DLL1: variants seen among roughly 807,000 people sequenced by gnomAD.
DLL1 encodes the protein delta like canonical Notch ligand 1.
DLL1 carries 9 observed loss-of-function variants against 75.1 expected under a neutral mutation model. That is an observed-to-expected ratio of 0.12 (90% CI 0.07 to 0.21). The LOEUF (loss-of-function observed/expected upper bound fraction) is 0.21, where lower values mean the gene tolerates loss of function less well. Among genes scored for constraint, DLL1 ranks in the 10% least tolerant of loss-of-function variants. DLL1 has a pLI of 1.00. For missense variants in DLL1, 837 were observed against 1,007.6 expected (o/e 0.83, Z 2.29); for synonymous variants, 477 against 418.3 (o/e 1.14, Z -1.71).
rs1339426073 is a variant in DLL1 at position 170,283,784 on chromosome 6, T to C, written c.1495A>G (p.Arg499Gly). 6.3e-7 allele frequency: 1 copy of C among 1,595,356 alleles called. No individual in the cohort carries two copies. The highest frequency in any genetic ancestry group is 1.1e-5 in the South Asian group (1 of 88,928). Reference protein sequence around the residue: ...PCHNGATCHERGHRYVCECAR... With the variant: ...PCHNGATCHEGGHRYVCECAR... ...CACTCGCACACATAGCGGTGGCCCC[T>C]CTCGTGGCAGGTGGCCCCATTGTGG... The change falls in exon 9 of 11, where the codon AGG becomes GGG. Residue 499 changes from arginine (R) to glycine (G), a missense_variant. Around this residue, in one of 2 missense-constraint regions of DLL1, gnomAD observed 533 missense variants for 545.7 expected, o/e 0.98. Transcript: ENST00000366756.
rs779177231 is a variant in DLL1, at chr6:170,288,181, C to G, written c.670+58G>C. 4.3e-6 allele frequency: 7 copies of G among 1,612,360 alleles called. 1 individual carries two copies. The highest frequency in any genetic ancestry group is 2.2e-5 in the South Asian group (2 of 90,940). On this transcript the variant is annotated intron_variant, in intron 4 of 10. Transcript: ENST00000366756. ...CCCCGTGGCTCAGGAAGCCCCGTCC[C>G]TGCGCGCGGTCCGTGTTCGTGGACG...
rs1381920404 is a variant in DLL1, at chr6:170,288,406, C to A, written c.503G>T (p.Arg168Leu). Reference sequence around the variant, plus strand: ...GCGGTAGGAGTACTTGAGGTCCGTGCGGCCGCTGCTGTGCAGGTCCTGGGA... The same window carrying A: ...GCGGTAGGAGTACTTGAGGTCCGTGAGGCCGCTGCTGTGCAGGTCCTGGGA... ...EWSQDLHSSG[R>L]TDLKYSYRFV... Residue 168 changes from arginine to leucine, a missense_variant, in exon 4 of 11, where the codon CGC (arginine) becomes CTC (leucine). By Grantham distance (102) the Arg-to-Leu change is moderately radical. Around this residue, in one of 2 missense-constraint regions of DLL1, gnomAD observed 304 missense variants for 461.9 expected, o/e 0.66. Coordinates refer to ENST00000366756, the MANE Select transcript of DLL1 (RefSeq NM_005618.4). The A allele has an allele frequency of 6.2e-7, 1 of 1,614,056 alleles. No homozygotes were observed. The highest frequency in any genetic ancestry group is 8.5e-7 in the Non-Finnish European group (1 of 1,180,046).
chr6:170,285,459 G>T, intron 6 of DLL1, 36 bp from the exon 7 acceptor site: 1 of 1,614,172 alleles, frequency 6.2e-7, no homozygotes, highest in Non-Finnish European at 8.5e-7. Flanking sequence ...TAGGAGATAG[G>T]AAGCTCGACA....
intron 3 of DLL1, 100 bp downstream of exon 3, chr6:170,288,629 G>A (rs1222648657): frequency 1.2e-6 from 2 of 1,607,146 alleles, no homozygotes; most frequent in Non-Finnish European, 1.7e-6. Flanking sequence ...TGGGGCACGT[G>A]CAGAATGAAA....
At chr6:170,288,935 G>C (rs1426115453) in intron 2 of DLL1, 146 bp from the exon 3 acceptor site, 1 of 845,122 alleles carries the variant, frequency 1.2e-6, no homozygotes, top group Non-Finnish European at 2.0e-6. Context: ...GGGTCTCCAC[G>C]CACCTCCTGC....
chr6:170,289,592 A>G lies in DLL1; in HGVS notation c.271T>C (p.Ser91Pro). ...CCCCCGCCGTCGGGCAGACTGAAGG[A>G]GTCGACGCCCAGCACGGGGGTGACG... ...SAVTPVLGVD[S>P]FSLPDGGGAD... The change falls in exon 2 of 11, where the codon TCC (serine) becomes CCC (proline). Residue 91 changes from serine (S) to proline (P), a missense_variant. Around this residue, in one of 2 missense-constraint regions of DLL1, gnomAD observed 304 missense variants for 461.9 expected, o/e 0.66. Transcript: ENST00000366756. The G allele has an allele frequency of 6.5e-7, 1 of 1,535,508 alleles. No homozygotes were observed.
At position 170,283,652 on chromosome 6, in the gene DLL1, A is replaced by G. The variant is rs191694591; in HGVS notation, c.1627T>C (p.Phe543Leu). Residue 543 changes from phenylalanine to leucine, a missense_variant, in exon 9 of 11, where the codon TTC (phenylalanine) becomes CTC (leucine). Phe to Leu is a conservative substitution (Grantham distance 22). Around this residue, in one of 2 missense-constraint regions of DLL1, gnomAD observed 533 missense variants for 545.7 expected, o/e 0.98. Transcript: ENST00000366756. ...TEKLEGQGGP[F>L]PWVAVCAGVI... is the part of the protein sequence containing the mutation. ...CCGGCGCACACGGCCACCCAGGGGA[A>G]TGGCCCGCCCTGGCCCTCTAGCTTC... is the stretch of plus-strand genomic sequence containing the variant. 8 of 1,597,640 alleles carry G rather than the reference A, an allele frequency of 5.0e-6. No homozygotes were observed. In the Admixed American group the frequency reaches 1.2e-4, roughly 24 times the overall value.
chr6:170,288,568 C>A, intron 3 of DLL1, 72 bp from the exon 4 acceptor site: 1 of 1,613,604 alleles, frequency 6.2e-7, no homozygotes, highest in Non-Finnish European at 8.5e-7. Context: ...GGGGGTGGGC[C>A]GAGACATTCA....
chr6:170,288,030 A>C, intron 4 of DLL1: 1 of 704,210 alleles, frequency 1.4e-6, no homozygotes, highest in Non-Finnish European at 2.4e-6. Flanking sequence ...GGATAAACAC[A>C]GCCTGGGATG....
In DLL1 at chr6:170,283,926, C is replaced by T. The variant is rs374095083; in HGVS notation, c.1353G>A (p.Pro451=). The T allele has an allele frequency of 1.7e-5, 27 of 1,599,256 alleles. No homozygotes were observed. The Middle Eastern group carries it at 5.1e-4, about 30-fold the overall frequency. ...CCCGGCAGGTGCCCCCGTTGGCGCACGGGGAGGAGGCGCAGTCGTCCACGT... is the reference window on the plus strand; with the variant it reads ...CCCGGCAGGTGCCCCCGTTGGCGCATGGGGAGGAGGCGCAGTCGTCCACGT... The part of the protein sequence containing the change: ...DDNVDDCASS[P]CANGGTCRDG... Residue 451 remains proline (P), a synonymous_variant, in exon 9 of 11, where the codon CCG becomes CCA. Transcript: ENST00000366756.
chr6:170,284,086 G>A lies in DLL1; in HGVS notation c.1250-57C>T, dbSNP rs1783641827. 7.2e-6 allele frequency: 11 copies of A among 1,532,970 alleles called. No homozygotes were observed. In the South Asian group the frequency reaches 1.2e-4, roughly 17 times the overall value. 95.0% of individuals were successfully genotyped at this position (1,532,970 alleles called of 1,614,324 possible). Reference sequence around the variant, plus strand: ...TCCTCGTAGGTTTGTTCACCAAAAAGTCACTCTGAAGCATCTATCTGTCTG... The same window carrying A: ...TCCTCGTAGGTTTGTTCACCAAAAAATCACTCTGAAGCATCTATCTGTCTG... On this transcript the variant is annotated intron_variant, in intron 8 of 10. Coordinates refer to ENST00000366756, the MANE Select transcript of DLL1 (RefSeq NM_005618.4).
Position 170,289,645 on chromosome 6 carries a change from G to A in DLL1, c.218C>T (p.Pro73Leu), listed in dbSNP as rs2114966477. Residue 73 changes from proline to leucine, a missense_variant, in exon 2 of 11, where the codon CCC (proline) becomes CTC (leucine). Pro to Leu is a moderately conservative substitution (Grantham distance 98, BLOSUM62 -3). Around this residue, in one of 2 missense-constraint regions of DLL1, gnomAD observed 304 missense variants for 461.9 expected, o/e 0.66. Coordinates refer to ENST00000366756, the MANE Select transcript of DLL1 (RefSeq NM_005618.4). The stretch of plus-strand genomic sequence containing the variant: ...GCTGCCGTAGGTGCAGGGCGGCTCG[G>A]GGGACACGCTGGCCTGGTAGTGCTT... ...CLKHYQASVS[P>L]EPPCTYGSAV... The A allele has an allele frequency of 1.9e-6, 3 of 1,539,694 alleles. No individual in the cohort carries two copies. The Middle Eastern group carries it at 5.0e-4, about 257-fold the overall frequency.
At position 170,289,692 on chromosome 6, in the gene DLL1, C is replaced by A; in HGVS notation, c.171G>T (p.Arg57=). ...GGAGPPPCAC[R]TFFRVCLKHY... is the part of the protein sequence containing the mutation. ...GCTTGAGGCACACGCGGAAGAAGGT[C>A]CGGCAGGCGCACGGCGGTGGCCCCG... Residue 57 remains arginine (R), a synonymous_variant, in exon 2 of 11, where the codon CGG becomes CGT. Coordinates refer to ENST00000366756, the MANE Select transcript of DLL1 (RefSeq NM_005618.4). 6.5e-7 allele frequency: 1 copy of A among 1,547,156 alleles called. No homozygotes were observed. The highest frequency in any genetic ancestry group is 8.7e-7 in the Non-Finnish European group (1 of 1,146,498).
rs1280275096 is a variant in DLL1 at position 170,290,063 on chromosome 6, G to A, written c.54+23C>T. The A allele has an allele frequency of 6.4e-7, 1 of 1,569,454 alleles. No homozygotes were observed. The highest frequency in any genetic ancestry group is 8.6e-7 in the Non-Finnish European group (1 of 1,167,182). ...TACCCGTGAGACCCCGCGGGGCCGC[G>A]GCGCCCCCACCTGCCCGCCTACCTG... On this transcript the variant is annotated intron_variant, in intron 1 of 10. Transcript: ENST00000366756. The surrounding 1 kb of genome is among the most constrained non-coding windows in gnomAD (Gnocchi z 4.7).
intron 1 of DLL1, 96 bp from the exon 2 acceptor site, chr6:170,289,904 C>T: frequency 7.2e-7 from 1 of 1,381,124 alleles, no homozygotes; most frequent in Non-Finnish European, 9.5e-7. Flanking sequence ...CCTGGAAGGG[C>T]TCAGGGGCCG....
chr6:170,290,426 C>A lies in DLL1; in HGVS notation c.-287G>T, dbSNP rs1032145627. Reference sequence around the variant, plus strand: ...CGGCGGCGGCGACTTTCGTTTTCCTCCTTCCTCCCAGCCCCCGAGGAGGTG... The same window carrying A: ...CGGCGGCGGCGACTTTCGTTTTCCTACTTCCTCCCAGCCCCCGAGGAGGTG... On this transcript the variant is annotated 5_prime_UTR_variant, in exon 1 of 11. Transcript: ENST00000366756. The surrounding 1 kb of genome is among the most constrained non-coding windows in gnomAD (Gnocchi z 4.7). 5 of 405,202 alleles carry A rather than the reference C, an allele frequency of 1.2e-5. No homozygotes were observed. 25.1% of individuals were successfully genotyped at this position (405,202 alleles called of 1,614,324 possible).
intron 7 of DLL1, 50 bp downstream of exon 7, chr6:170,285,204 A>G: frequency 6.2e-7 from 1 of 1,613,922 alleles, no homozygotes; most frequent in South Asian, 1.1e-5. Flanking sequence ...TCCATTCAAC[A>G]CCAGGGCACC....
chr6:170,288,066 C>T (rs560016318), intron 4 of DLL1, 173 bp downstream of exon 4: 2 of 920,994 alleles, frequency 2.2e-6, no homozygotes, highest in African/African-American at 1.7e-5. Flanking sequence ...TGACCCCAAC[C>T]CCCCCACTGA....
At chr6:170,287,748 A>C (rs1279806061) in intron 4 of DLL1, among the ~76,000 whole-genome samples, 1 of 152,218 alleles carries the variant, frequency 6.6e-6, no homozygotes, top group African/African-American at 2.4e-5. Context: ...AGTGCGTGTC[A>C]CAGGGAGTAT....
Sources: allele counts gnomAD v4.1 joint callset (sites outside exome capture counted in the v4.1 genomes callset), GRCh38; gene constraint gnomAD v4.1.1; regional missense constraint gnomAD v4.1.1; non-coding constraint Gnocchi (gnomAD v3.1); transcripts MANE v1.5; gene names NCBI Gene and HGNC (gene_info 2026-07-23, HGNC 2026-07-21).